MYL9: variants seen among roughly 807,000 people sequenced by gnomAD.
MYL9 encodes the protein myosin regulatory light polypeptide 9.
A neutral mutation model predicts 12.8 loss-of-function variants in MYL9; 7 were observed. That is an observed-to-expected ratio of 0.55 (90% confidence interval 0.31 to 1.03). The LOEUF is 1.03. Among genes scored for constraint, MYL9 ranks in the 50% least tolerant of loss-of-function variants. The pLI is 0.05. For missense variants in MYL9, 190 were observed against 242.7 expected, an observed-to-expected ratio of 0.78 and a Z score of 1.44; for synonymous variants, 81 against 87.8, an observed-to-expected ratio of 0.92 and a Z score of 0.43.
At chr20:36,545,902 A>G (rs1366389238) in intron 2 of MYL9, among the ~76,000 whole-genome samples, 2 of 152,360 alleles carry the variant, frequency 1.3e-5, no homozygotes, top group African/African-American at 2.4e-5. Context: ...CCTGGGCGAC[A>G]GAGCAAGACT....
chr20:36,549,016 G>A, intron 3 of MYL9, 61 bp from the exon 4 acceptor site: 1 of 1,529,824 alleles, frequency 6.5e-7, no homozygotes, highest in Non-Finnish European at 8.9e-7. Flanking sequence ...CTGAGGGATG[G>A]GGCTGCTGTG....
rs2038122498 is a variant in MYL9, at chr20:36,548,071, G to C, written c.224G>C (p.Ser75Thr). 3 of 1,613,608 alleles carry C rather than the reference G, an allele frequency of 1.9e-6. No individual in the cohort carries two copies. The highest frequency in any genetic ancestry group is 2.5e-6 in the Non-Finnish European group (3 of 1,179,704). The part of the protein sequence containing the change: ...PTDEYLEGMM[S>T]EAPGPINFTM... ...GACGAATACCTGGAGGGCATGATGA[G>C]CGAGGCCCCGGGGCCCATCAACTTC... is the stretch of plus-strand genomic sequence containing the variant. The change falls in exon 3 of 4, where the codon AGC (serine) becomes ACC (threonine). Residue 75 changes from serine (S) to threonine (T), a missense_variant. By Grantham distance (58) the Ser-to-Thr change is moderately conservative. Coordinates refer to ENST00000279022, the MANE Select transcript of MYL9 (RefSeq NM_006097.5).
At chr20:36,542,109 T>G (rs527581239) in intron 1 of MYL9, among the ~76,000 whole-genome samples, 1 of 152,128 alleles carries the variant, frequency 6.6e-6, no homozygotes, top group African/African-American at 2.4e-5. Flanking sequence ...CAGTGCTGTA[T>G]GCAGGGACCC....
intron 2 of MYL9, among the ~76,000 whole-genome samples, chr20:36,547,824 C>T (rs2038118232): frequency 6.6e-6 from 1 of 152,212 alleles, no homozygotes; most frequent in Non-Finnish European, 1.5e-5. Flanking sequence ...ACATCCAGGC[C>T]ACAGGAGGAA....
intron 2 of MYL9, among the ~76,000 whole-genome samples, chr20:36,546,622 T>G (rs114481805): frequency 0.018 from 2,670 of 151,394 alleles, 88 homozygotes; most frequent in African/African-American, 0.062. Flanking sequence ...GGGTTCTTTT[T>G]TTTTCCCCCC....
intron 2 of MYL9, among the ~76,000 whole-genome samples, chr20:36,546,865 G>A (rs2038106980): frequency 6.6e-6 from 1 of 152,124 alleles, no homozygotes; most frequent in African/African-American, 2.4e-5. Context: ...CCAAAGTACT[G>A]GGATTACAGG....
chr20:36,545,149 G>C (rs985799965), intron 2 of MYL9, 81 bp downstream of exon 2: 1 of 1,451,928 alleles, frequency 6.9e-7, no homozygotes, highest in Non-Finnish European at 9.5e-7. Flanking sequence ...CTCCTGTGTA[G>C]TGAGACGCGT....
rs527607334 is a variant in MYL9, at chr20:36,550,700, C to T, written c.*1451C>T. On this transcript the variant is annotated 3_prime_UTR_variant, in exon 4 of 4. Coordinates refer to ENST00000279022, the MANE Select transcript of MYL9 (RefSeq NM_006097.5). The stretch of plus-strand genomic sequence containing the variant: ...CCTAACCTCCTGCAGGCCTCAACGC[C>T]AGGCCCTGCTCAGAGCTCGGCTGAA... 1.1e-3 allele frequency: 166 copies of T among 152,378 alleles called. No homozygotes were observed. Among genetic ancestry groups the T allele is most frequent in the Non-Finnish European group, 2.0e-3 (135 of 68,146 alleles). 9.4% of individuals were successfully genotyped at this position (152,378 alleles called of 1,614,324 possible).
intron 1 of MYL9, among the ~76,000 whole-genome samples, chr20:36,541,889 G>C (rs1287782368): frequency 6.6e-6 from 1 of 152,188 alleles, no homozygotes; most frequent in Admixed American, 6.5e-5. Context: ...AGCTCCGGGG[G>C]GGGCTGGGGA....
At chr20:36,544,524 G>C (rs1396212756) in intron 1 of MYL9, among the ~76,000 whole-genome samples, 1 of 152,200 alleles carries the variant, frequency 6.6e-6, no homozygotes, top group Non-Finnish European at 1.5e-5. Context: ...CCAATCCTAA[G>C]TGTTTTACCC....
chr20:36,544,215 C>T (rs982976581), intron 1 of MYL9, among the ~76,000 whole-genome samples: 1 of 152,156 alleles, frequency 6.6e-6, no homozygotes, highest in African/African-American at 2.4e-5. Context: ...TGTGACCACT[C>T]ACCACTGGGG....
chr20:36,549,000 AG>A, intron 3 of MYL9, 76 bp from the exon 4 acceptor site: 1 of 1,431,948 alleles, frequency 7.0e-7, no homozygotes. Flanking sequence ...AAGAGCTGCC[AG>A]GGGGCTGAGG....
chr20:36,549,174 T>C lies in MYL9; in HGVS notation c.444T>C (p.Ile148=), dbSNP rs201361771. ...EVDEMYREAP[I]DKKGNFNYVE... ...ACGAGATGTACCGGGAGGCACCCAT[T>C]GATAAGAAAGGCAACTTCAACTACG... Residue 148 remains isoleucine (I), a synonymous_variant, in exon 4 of 4, where the codon ATT becomes ATC. Coordinates refer to ENST00000279022, the MANE Select transcript of MYL9 (RefSeq NM_006097.5). The C allele has an allele frequency of 6.2e-7, 1 of 1,613,998 alleles. No homozygotes were observed. Among genetic ancestry groups the C allele is most frequent in the African/African-American group, 1.3e-5 (1 of 75,018 alleles).
chr20:36,548,238 G>C lies in MYL9; in HGVS notation c.346+45G>C, dbSNP rs202074692. On this transcript the variant is annotated intron_variant, in intron 3 of 3. Transcript: ENST00000279022. ...ACCACTCTGCATGCAAGTGGAACAGGGCCCAGGCATTCAGTGCCTCTGCCC... is the reference window on the plus strand; with the variant it reads ...ACCACTCTGCATGCAAGTGGAACAGCGCCCAGGCATTCAGTGCCTCTGCCC... 140 of 1,556,700 alleles carry C rather than the reference G, an allele frequency of 9.0e-5. No individual in the cohort carries two copies. The African/African-American group carries it at 1.7e-3, about 18-fold the overall frequency.
At chr20:36,545,421 C>T (rs1320308681) in intron 2 of MYL9, among the ~76,000 whole-genome samples, 7 of 148,244 alleles carry the variant, frequency 4.7e-5, no homozygotes, top group South Asian at 4.3e-4. Flanking sequence ...GGCGTGAACC[C>T]GGAAAGCGGA....
intron 1 of MYL9, 48 bp from the exon 2 acceptor site, chr20:36,544,811 C>A: frequency 6.7e-7 from 1 of 1,497,550 alleles, no homozygotes. Flanking sequence ...CAGGAAGATT[C>A]CCTGGCCCAG....
At chr20:36,542,451 C>G (rs1266966205) in intron 1 of MYL9, among the ~76,000 whole-genome samples, 1 of 152,138 alleles carries the variant, frequency 6.6e-6, no homozygotes, top group Non-Finnish European at 1.5e-5. Flanking sequence ...CAGTGCTGAC[C>G]CCTGGTGTCT....
chr20:36,542,454 T>A (rs2038048576), intron 1 of MYL9, among the ~76,000 whole-genome samples: 1 of 152,122 alleles, frequency 6.6e-6, no homozygotes. Context: ...TGCTGACCCC[T>A]GGTGTCTAGG....
At chr20:36,545,956 A>G (rs2038095340) in intron 2 of MYL9, among the ~76,000 whole-genome samples, 1 of 152,196 alleles carries the variant, frequency 6.6e-6, no homozygotes, top group African/African-American at 2.4e-5. Flanking sequence ...GTCAGCATCT[A>G]AATGAAAGTG....
Sources: gnomAD v4.1 joint callset for allele counts (sites outside exome capture counted in the v4.1 genomes callset) on GRCh38, gnomAD v4.1.1 for gene constraint, MANE v1.5 for transcripts, NCBI Gene and HGNC (gene_info 2026-07-23, HGNC 2026-07-21) for gene names.